The following UGT1A10 variants were observed in gnomAD, a reference collection of about 807,000 sequenced individuals.
The protein encoded by UGT1A10 is UDP glucuronosyltransferase family 1 member A10, also known as UDP-glucuronosyltransferase 1A10.
A neutral mutation model predicts 45.8 loss-of-function variants in UGT1A10; 49 were observed. That is an observed-to-expected ratio of 1.07 (90% confidence interval 0.85 to 1.36). The LOEUF (loss-of-function observed/expected upper bound fraction) is 1.36, where lower values mean the gene tolerates loss of function less well. Ranked by LOEUF, UGT1A10 falls within the 40% of genes most tolerant of loss-of-function variation. The pLI is 0.00. For missense variants in UGT1A10, 745 were observed against 668.6 expected (o/e 1.11, Z -1.26); for synonymous variants, 284 against 249.7 (o/e 1.14, Z -1.29).
intron 1 of UGT1A10, chr2:233,742,040 A>G (rs1442889181): frequency 6.6e-6 from 1 of 151,948 alleles, no homozygotes; most frequent in Non-Finnish European, 1.5e-5. Context: ...TCCCAAGCAT[A>G]GCAATAGGAT....
chr2:233,658,497 GC>G (rs2073901910), intron 1 of UGT1A10, among the ~76,000 whole-genome samples: 1 of 151,914 alleles, frequency 6.6e-6, no homozygotes, highest in African/African-American at 2.4e-5. Context: ...AGCCCATCAC[GC>G]CCCCTTCATC....
intron 1 of UGT1A10, among the ~76,000 whole-genome samples, chr2:233,675,371 G>T (rs2074318701): frequency 6.6e-6 from 1 of 152,196 alleles, no homozygotes; most frequent in Non-Finnish European, 1.5e-5. Flanking sequence ...ATGGCAAAAA[G>T]AGGAGGTCCC....
At chr2:233,665,154 A>G (rs2074047167) in intron 1 of UGT1A10, among the ~76,000 whole-genome samples, 1 of 152,160 alleles carries the variant, frequency 6.6e-6, no homozygotes, top group Non-Finnish European at 1.5e-5. Context: ...TGCATTTTTC[A>G]TTTGCCAATA....
At chr2:233,718,468 A>G (rs934108857) in intron 1 of UGT1A10, among the ~76,000 whole-genome samples, 5 of 152,236 alleles carry the variant, frequency 3.3e-5, no homozygotes, top group African/African-American at 1.2e-4. Flanking sequence ...CCTCAGCTGC[A>G]GCCTGATAAA....
intron 1 of UGT1A10, among the ~76,000 whole-genome samples, chr2:233,688,647 C>T (rs1036657892): frequency 2.6e-5 from 4 of 152,162 alleles, no homozygotes; most frequent in African/African-American, 9.7e-5. Context: ...GTTGGTGTTA[C>T]AGAATAACAT....
chr2:233,759,409 G>T (rs548037824), intron 1 of UGT1A10, among the ~76,000 whole-genome samples: 1 of 152,164 alleles, frequency 6.6e-6, no homozygotes, highest in African/African-American at 2.4e-5. Context: ...GTGACCTGTA[G>T]TAAGCAAAGG....
At chr2:233,712,755 G>C (rs28898599) in intron 1 of UGT1A10, among the ~76,000 whole-genome samples, 48 of 152,176 alleles carry the variant, frequency 3.2e-4, no homozygotes, top group Admixed American at 2.4e-3. Flanking sequence ...TCCCCAGAGC[G>C]AGCGCAAGGT....
intron 1 of UGT1A10, among the ~76,000 whole-genome samples, chr2:233,645,831 G>A (rs2073587076): frequency 6.6e-6 from 1 of 152,162 alleles, no homozygotes; most frequent in Non-Finnish European, 1.5e-5. Flanking sequence ...ACTATTGGTG[G>A]ACCTACCATT....
At chr2:233,659,920 T>C (rs1039066421) in intron 1 of UGT1A10, among the ~76,000 whole-genome samples, 1 of 152,214 alleles carries the variant, frequency 6.6e-6, no homozygotes, top group Non-Finnish European at 1.5e-5. Flanking sequence ...TGGTACTGAT[T>C]CAAAAGCACT....
At chr2:233,693,684 C>G in intron 1 of UGT1A10, 1 of 1,614,168 alleles carries the variant, frequency 6.2e-7, no homozygotes, top group Non-Finnish European at 8.5e-7. Flanking sequence ...TGTCTGTTTT[C>G]AAAGTATGAA....
intron 1 of UGT1A10, chr2:233,648,851 C>A: frequency 8.4e-7 from 1 of 1,190,110 alleles, no homozygotes; most frequent in Non-Finnish European, 1.2e-6. Context: ...TTCAAAAATG[C>A]CTTAAACATA....
intron 1 of UGT1A10, chr2:233,690,588 GAA>G (rs144486213): frequency 9.2e-5 from 103 of 1,123,576 alleles, no homozygotes; most frequent in Admixed American, 2.9e-4. Context: ...CAATCCCTGA[GAA>G]AAAAAAAAAA....
At chr2:233,657,367 TG>T (rs2073877876) in intron 1 of UGT1A10, among the ~76,000 whole-genome samples, 2 of 152,318 alleles carry the variant, frequency 1.3e-5, no homozygotes, top group South Asian at 4.2e-4. Flanking sequence ...TACCAACATC[TG>T]TTTCTGGCAA....
chr2:233,740,602 C>T (rs1333865723), intron 1 of UGT1A10: 1 of 151,786 alleles, frequency 6.6e-6, no homozygotes, highest in Non-Finnish European at 1.5e-5. Context: ...TTACAGGTCT[C>T]CAGGTCTCTT....
intron 4 of UGT1A10, among the ~76,000 whole-genome samples, chr2:233,771,823 C>T (rs1700395813): frequency 7.3e-6 from 1 of 137,044 alleles, no homozygotes; most frequent in Non-Finnish European, 1.6e-5. Flanking sequence ...TTCCTTGCTT[C>T]CTTCCCTCCT....
chr2:233,672,671 G>A (rs1466984544), intron 1 of UGT1A10: 7 of 1,613,764 alleles, frequency 4.3e-6, no homozygotes, highest in Non-Finnish European at 5.1e-6. Context: ...GATCTCTACA[G>A]CCACACATCA....
chr2:233,730,522 G>A (rs45560734), intron 1 of UGT1A10, among the ~76,000 whole-genome samples: 4,919 of 152,208 alleles, frequency 0.032, 260 homozygotes, highest in African/African-American at 0.11. Flanking sequence ...TGGAAGTGGG[G>A]CAATGAAGTT....
chr2:233,690,738 T>G (rs1393287542), intron 1 of UGT1A10: 1 of 1,205,664 alleles, frequency 8.3e-7, no homozygotes, highest in Non-Finnish European at 1.0e-6. Context: ...CAGATTCCTC[T>G]GGCTAGTGTC....
At chr2:233,742,511 A>C (rs1428333329) in intron 1 of UGT1A10, among the ~76,000 whole-genome samples, 6 of 151,858 alleles carry the variant, frequency 4.0e-5, no homozygotes, top group Non-Finnish European at 2.9e-5. Flanking sequence ...TATCATGAAC[A>C]CGTCACAGTG....
Sources: gnomAD v4.1 joint callset for allele counts (sites outside exome capture counted in the v4.1 genomes callset) on GRCh38, gnomAD v4.1.1 for gene constraint, MANE v1.5 for transcripts, NCBI Gene and HGNC (gene_info 2026-07-23, HGNC 2026-07-21) for gene names.